SMARCA2: variants seen among roughly 807,000 people sequenced by gnomAD.
The protein encoded by SMARCA2 is SWI/SNF-related matrix-associated actin-dependent regulator of chromatin subfamily A member 2.
Under a neutral mutation model 199.8 loss-of-function variants are expected in SMARCA2, and 61 were observed. The observed-to-expected ratio is 0.31, with a 90% CI of 0.25 to 0.38. The LOEUF is 0.38. Among genes scored for constraint, SMARCA2 ranks in the 10% least tolerant of loss-of-function variants. The pLI, the probability that SMARCA2 is intolerant of heterozygous loss-of-function variation, is 1.00. For synonymous variants in SMARCA2, 935 were observed against 732.0 expected (o/e 1.28, Z -4.48); for missense variants, 1,344 against 2,012.2 (o/e 0.67, Z 6.35).
intron 27 of SMARCA2, among the ~76,000 whole-genome samples, chr9:2,136,185 T>G (rs1358959580): frequency 7.0e-6 from 1 of 142,988 alleles, no homozygotes; most frequent in African/African-American, 2.8e-5. Context: ...ATCCCCTGCT[T>G]CTTTTTTTTT....
At chr9:2,066,113 G>C (rs941380054) in intron 9 of SMARCA2, among the ~76,000 whole-genome samples, 1 of 152,132 alleles carries the variant, frequency 6.6e-6, no homozygotes, top group Non-Finnish European at 1.5e-5. Context: ...GTTTTTGAAA[G>C]CTTAGGTTTC....
At chr9:2,182,368 C>T (rs1586807244) in intron 31 of SMARCA2, 126 bp downstream of exon 31, 1 of 625,144 alleles carries the variant, frequency 1.6e-6, no homozygotes, top group Non-Finnish European at 2.8e-6. Flanking sequence ...AACTAAAAGC[C>T]TATGTTCCTT....
chr9:2,075,497 C>A (rs1396959501), intron 12 of SMARCA2: 3 of 152,124 alleles, frequency 2.0e-5, no homozygotes, highest in Non-Finnish European at 4.4e-5. Context: ...AATCCTTCGC[C>A]AAGTTATTGA....
At chr9:2,127,716 A>C (rs1401762004) in intron 27 of SMARCA2, among the ~76,000 whole-genome samples, 6 of 152,240 alleles carry the variant, frequency 3.9e-5, no homozygotes, top group Admixed American at 3.3e-4. Flanking sequence ...CCAGGAAAAC[A>C]AAATTTTGGT....
chr9:2,073,514 A>G lies in SMARCA2; in HGVS notation c.1878-52A>G. On this transcript the variant is annotated intron_variant, in intron 11 of 33. Coordinates refer to ENST00000349721, the MANE Select transcript of SMARCA2 (RefSeq NM_003070.5). ...ATTAAGTCATGTGTGTCTTTATTGTATTGTAATTTAAAAAACTAAGCCCCC... is the reference window on the plus strand; with the variant it reads ...ATTAAGTCATGTGTGTCTTTATTGTGTTGTAATTTAAAAAACTAAGCCCCC... The G allele has an allele frequency of 4.0e-6, 6 of 1,511,462 alleles. No individual in the cohort carries two copies. In the South Asian group the frequency reaches 5.8e-5, roughly 15 times the overall value. 93.6% of individuals were successfully genotyped at this position (1,511,462 alleles called of 1,614,324 possible).
chr9:2,069,352 T>G (rs935852370), intron 9 of SMARCA2, among the ~76,000 whole-genome samples: 3 of 151,034 alleles, frequency 2.0e-5, no homozygotes, highest in Admixed American at 6.6e-5. Context: ...GTCAGGAGAT[T>G]GAGACCATCG....
intron 9 of SMARCA2, among the ~76,000 whole-genome samples, chr9:2,063,457 T>C (rs1820689573): frequency 1.3e-5 from 2 of 152,236 alleles, no homozygotes; most frequent in South Asian, 4.1e-4. Context: ...CATAAAAATC[T>C]CTGCTATCCT....
chr9:2,027,021 G>C (rs1818861605), intron 1 of SMARCA2, among the ~76,000 whole-genome samples: 1 of 152,172 alleles, frequency 6.6e-6, no homozygotes, highest in Admixed American at 6.5e-5. Flanking sequence ...CTCTGAAGTA[G>C]CCTTTGACTG....
chr9:2,084,708 C>T (rs984517428), intron 17 of SMARCA2, among the ~76,000 whole-genome samples: 1 of 151,964 alleles, frequency 6.6e-6, no homozygotes, highest in Non-Finnish European at 1.5e-5. Flanking sequence ...TCAGGTTTTT[C>T]CTGGTGAAAT....
At chr9:2,127,134 T>G (rs914081922) in intron 27 of SMARCA2, among the ~76,000 whole-genome samples, 1 of 152,148 alleles carries the variant, frequency 6.6e-6, no homozygotes, top group African/African-American at 2.4e-5. Flanking sequence ...AGATAAATAT[T>G]AATTGCACTT....
chr9:2,112,356 G>A (rs1252449857), intron 24 of SMARCA2, among the ~76,000 whole-genome samples: 1 of 152,044 alleles, frequency 6.6e-6, no homozygotes, highest in Non-Finnish European at 1.5e-5. Flanking sequence ...ACTCTTAGAT[G>A]TTTACCTTCA....
At chr9:2,020,610 C>T (rs1221037276) in intron 1 of SMARCA2, among the ~76,000 whole-genome samples, 1 of 152,108 alleles carries the variant, frequency 6.6e-6, no homozygotes, top group Non-Finnish European at 1.5e-5. Flanking sequence ...ATCTTGCAAC[C>T]TGGGCTGGCA....
rs1339785474 is a variant in SMARCA2 at position 2,016,384 on chromosome 9, G to A, written c.-37+980G>A. 1 of 152,264 alleles carries A rather than the reference G, an allele frequency of 6.6e-6. No homozygotes were observed. Among genetic ancestry groups the A allele is most frequent in the Non-Finnish European group, 1.5e-5 (1 of 68,112 alleles). The allele number at this position is 152,264 out of a possible 1,614,324, so 9.4% of individuals were successfully genotyped here. On this transcript the variant is annotated intron_variant, in intron 1 of 33. Coordinates refer to ENST00000349721, the MANE Select transcript of SMARCA2 (RefSeq NM_003070.5). The surrounding 1 kb of genome is among the most constrained non-coding windows in gnomAD (Gnocchi z 5.6). ...GAGGAGGCCCCCAAGGAGGTCGGAGGTGCCCGCCAGCCTCCGTTACCCTGC... is the reference window on the plus strand; with the variant it reads ...GAGGAGGCCCCCAAGGAGGTCGGAGATGCCCGCCAGCCTCCGTTACCCTGC...
intron 27 of SMARCA2, among the ~76,000 whole-genome samples, chr9:2,156,511 C>T (rs1055162947): frequency 7.1e-6 from 1 of 141,690 alleles, no homozygotes; most frequent in Admixed American, 7.7e-5. Flanking sequence ...CTAATTGCAA[C>T]CTCAGCCTCC....
At chr9:2,108,239 A>G (rs1464709623) in intron 23 of SMARCA2, among the ~76,000 whole-genome samples, 3 of 152,210 alleles carry the variant, frequency 2.0e-5, no homozygotes, top group Admixed American at 1.3e-4. Flanking sequence ...AAGTTCCTGA[A>G]AAACAACTGA....
chr9:2,054,873 G>C, intron 6 of SMARCA2, 150 bp downstream of exon 6: 1 of 767,666 alleles, frequency 1.3e-6, no homozygotes, highest in Non-Finnish European at 2.0e-6. Flanking sequence ...TAGACCAACA[G>C]CTTACAACTA....
intron 15 of SMARCA2, 120 bp from the exon 16 acceptor site, chr9:2,083,227 A>T (rs1018714780): frequency 5.7e-6 from 3 of 529,172 alleles, no homozygotes; most frequent in Admixed American, 7.1e-5. Flanking sequence ...TCTTGTTGAG[A>T]TATGTTATAT....
At chr9:2,160,515 A>C (rs1432565390) in intron 27 of SMARCA2, 8 of 654,980 alleles carry the variant, frequency 1.2e-5, no homozygotes, top group Non-Finnish European at 8.4e-6. Flanking sequence ...AGCGTTGTAC[A>C]TAAGTGAAAG....
intron 27 of SMARCA2, among the ~76,000 whole-genome samples, chr9:2,135,365 A>G (rs556898084): frequency 2.6e-5 from 4 of 152,226 alleles, no homozygotes; most frequent in South Asian, 4.1e-4. Flanking sequence ...TCCAGAAACA[A>G]CCTTACAGAC....
Sources: gnomAD v4.1 joint callset for allele counts (sites outside exome capture counted in the v4.1 genomes callset) on GRCh38, gnomAD v4.1.1 for gene constraint, Gnocchi (gnomAD v3.1) non-coding constraint, MANE v1.5 for transcripts, NCBI Gene and HGNC (gene_info 2026-07-23, HGNC 2026-07-21) for gene names.